The following RAD51B variants were observed in gnomAD, a reference collection of about 807,000 sequenced individuals.
The protein encoded by RAD51B is DNA repair protein RAD51 homolog 2.
A neutral mutation model predicts 42.2 loss-of-function variants in RAD51B; 38 were observed. The ratio of observed to expected loss-of-function variants is 0.90; its 90% CI spans 0.70 to 1.18. The LOEUF is 1.18. Ranked by LOEUF, RAD51B falls within the 50% of genes most tolerant of loss-of-function variation. The pLI is 0.00. For synonymous variants in RAD51B, 154 were observed against 145.2 expected (o/e 1.06, Z -0.43); for missense variants, 373 against 400.7 (o/e 0.93, Z 0.59).
chr14:68,356,328 C>T (rs950657968), intron 8 of RAD51B, among the ~76,000 whole-genome samples: 23 of 150,212 alleles, frequency 1.5e-4, no homozygotes, highest in African/African-American at 5.1e-4. Context: ...CCAGCTACTC[C>T]GGAGGCTGAG....
chr14:68,307,681 C>G (rs2081895143), intron 8 of RAD51B, among the ~76,000 whole-genome samples: 1 of 152,182 alleles, frequency 6.6e-6, no homozygotes, highest in African/African-American at 2.4e-5. Context: ...AATTTAAAAG[C>G]AAAGGTTATG....
intron 10 of RAD51B, among the ~76,000 whole-genome samples, chr14:68,508,629 C>T (rs113006185): frequency 0.011 from 1,682 of 152,240 alleles, 28 homozygotes; most frequent in African/African-American, 0.037. Context: ...GTCTCCACCC[C>T]AGGCCTGGTC....
intron 10 of RAD51B, among the ~76,000 whole-genome samples, chr14:68,639,448 T>C (rs1235797008): frequency 2.0e-5 from 3 of 152,294 alleles, no homozygotes; most frequent in East Asian, 3.9e-4. Flanking sequence ...CCCTCCTGCA[T>C]GCAAGGGTGG....
At chr14:68,352,863 T>C (rs1231039278) in intron 8 of RAD51B, among the ~76,000 whole-genome samples, 1 of 152,226 alleles carries the variant, frequency 6.6e-6, no homozygotes, top group Non-Finnish European at 1.5e-5. Flanking sequence ...TTGGCCTGCC[T>C]GTGTCCTTTG....
Position 68,286,176 on chromosome 14 carries a change from C to T in RAD51B, c.757-5708C>T, listed in dbSNP as rs8009482. Among the ~76,000 whole-genome samples, 462 of 152,280 alleles carry T rather than the reference C, an allele frequency of 3.0e-3. 2 individuals carry two copies. The highest frequency in any genetic ancestry group is 0.011 in the African/African-American group (444 of 41,532). On this transcript the variant is annotated intron_variant, in intron 7 of 10. Transcript: ENST00000471583. ...AGAGTTTCTCTCTCTTCTCCTGTGTCCCATGTTGCCTTAGGAAGGAGAGCA... is the reference window on the plus strand; with the variant it reads ...AGAGTTTCTCTCTCTTCTCCTGTGTTCCATGTTGCCTTAGGAAGGAGAGCA...
chr14:67,974,778 A>G (rs1185086652), intron 7 of RAD51B, among the ~76,000 whole-genome samples: 1 of 152,188 alleles, frequency 6.6e-6, no homozygotes, highest in Non-Finnish European at 1.5e-5. Context: ...TTTTTATGGA[A>G]AAAACAATTT....
chr14:68,214,662 A>G (rs922853121), intron 7 of RAD51B, among the ~76,000 whole-genome samples: 2 of 152,186 alleles, frequency 1.3e-5, no homozygotes, highest in Non-Finnish European at 2.9e-5. Context: ...CTTTGTTCCA[A>G]CTGTTTGTTC....
At chr14:68,497,542 T>C (rs1884618637) in intron 10 of RAD51B, 1 of 1,049,780 alleles carries the variant, frequency 9.5e-7, no homozygotes, top group Non-Finnish European at 1.2e-6. Flanking sequence ...AGGTGAAATT[T>C]ATATAAGATG....
chr14:68,655,430 C>CTTCT (rs926267244), intron 11 of RAD51B, among the ~76,000 whole-genome samples: 1 of 152,076 alleles, frequency 6.6e-6, no homozygotes, highest in Non-Finnish European at 1.5e-5. Context: ...AAGCGAGCTA[C>CTTCT]TTCTTTCTTT....
intron 7 of RAD51B, among the ~76,000 whole-genome samples, chr14:68,243,681 C>T (rs1450365413): frequency 1.3e-5 from 2 of 152,206 alleles, no homozygotes; most frequent in Admixed American, 1.3e-4. Context: ...TGAATTCACA[C>T]TACTTGATGA....
chr14:67,909,448 CT>C (rs2043891157), intron 7 of RAD51B, among the ~76,000 whole-genome samples: 1 of 152,230 alleles, frequency 6.6e-6, no homozygotes, highest in African/African-American at 2.4e-5. Flanking sequence ...TTATTGCAGA[CT>C]TTAAAAATGA....
intron 10 of RAD51B, among the ~76,000 whole-genome samples, chr14:68,610,843 A>ATATGTGTGTGTG (rs1555431623): frequency 6.9e-6 from 1 of 144,896 alleles, no homozygotes; most frequent in Admixed American, 6.9e-5. Flanking sequence ...CTGAATGTAT[A>ATATGTGTGTGTG]TGTGTGTGTG....
intron 11 of RAD51B, among the ~76,000 whole-genome samples, chr14:68,672,054 A>G (rs963067871): frequency 2.6e-5 from 4 of 152,196 alleles, no homozygotes; most frequent in African/African-American, 9.6e-5. Flanking sequence ...AACAATGTTC[A>G]CTTTACAACT....
At chr14:68,128,173 T>A (rs2077811141) in intron 7 of RAD51B, among the ~76,000 whole-genome samples, 1 of 152,194 alleles carries the variant, frequency 6.6e-6, no homozygotes, top group African/African-American at 2.4e-5. Flanking sequence ...GAATATGAGT[T>A]TGGTTTTGAT....
At chr14:67,913,147 AC>A (rs1354393893) in intron 7 of RAD51B, among the ~76,000 whole-genome samples, 1 of 152,184 alleles carries the variant, frequency 6.6e-6, no homozygotes, top group Non-Finnish European at 1.5e-5. Context: ...TTTAGTTCTT[AC>A]TGAAAACAGT....
chr14:68,079,804 T>C (rs1279154328), intron 7 of RAD51B, among the ~76,000 whole-genome samples: 2 of 152,232 alleles, frequency 1.3e-5, no homozygotes, highest in African/African-American at 4.8e-5. Flanking sequence ...CCATCTGTTT[T>C]CAAGAAAGAT....
intron 7 of RAD51B, among the ~76,000 whole-genome samples, chr14:68,274,034 C>T (rs907782096): frequency 6.6e-6 from 1 of 152,128 alleles, no homozygotes; most frequent in African/African-American, 2.4e-5. Context: ...CTCTCCTTTG[C>T]TTCTTATGCT....
chr14:68,604,661 C>A (rs545974345), intron 10 of RAD51B, among the ~76,000 whole-genome samples: 1 of 152,322 alleles, frequency 6.6e-6, no homozygotes, highest in East Asian at 1.9e-4. Flanking sequence ...TGCCCTCCTG[C>A]CTCCCTCTAA....
chr14:68,625,415 C>A (rs1354759267), intron 10 of RAD51B, among the ~76,000 whole-genome samples: 1 of 152,198 alleles, frequency 6.6e-6, no homozygotes, highest in Non-Finnish European at 1.5e-5. Context: ...CCTCATCCTG[C>A]TTTTCTCCTC....
Sources: gnomAD v4.1 joint callset for allele counts (sites outside exome capture counted in the v4.1 genomes callset) on GRCh38, gnomAD v4.1.1 for gene constraint, MANE v1.5 for transcripts, NCBI Gene and HGNC (gene_info 2026-07-23, HGNC 2026-07-21) for gene names.